The following CACNA1C variants were observed in gnomAD, a reference collection of about 807,000 sequenced individuals.
The protein encoded by CACNA1C is voltage-dependent L-type calcium channel subunit alpha-1C.
In CACNA1C, 30 loss-of-function variants were observed where a neutral mutation model predicts 229.0. The observed-to-expected ratio is 0.13, with a 90% CI of 0.10 to 0.18. The LOEUF is 0.18. CACNA1C is among the 10% of genes least tolerant of loss of function. The pLI, the probability that CACNA1C is intolerant of heterozygous loss-of-function variation, is 1.00. For synonymous variants in CACNA1C, 1,114 were observed against 1,132.5 expected, an observed-to-expected ratio of 0.98 and a Z score of 0.33; for missense variants, 1,658 against 2,845.0, an observed-to-expected ratio of 0.58 and a Z score of 9.49.
chr12:2,335,444 A>T (rs988121921), intron 3 of CACNA1C, among the ~76,000 whole-genome samples: 1 of 152,174 alleles, frequency 6.6e-6, no homozygotes, highest in African/African-American at 2.4e-5. Context: ...TAGTTAAAAA[A>T]AAAAAACCTT....
intron 29 of CACNA1C, among the ~76,000 whole-genome samples, chr12:2,624,675 T>A (rs1193688730): frequency 1.3e-5 from 2 of 152,188 alleles, no homozygotes; most frequent in Non-Finnish European, 2.9e-5. Flanking sequence ...ATACTCCATG[T>A]CCCTACAGAG....
intron 1 of CACNA1C, among the ~76,000 whole-genome samples, chr12:1,996,655 AC>A (rs368598566): frequency 0.052 from 1,289 of 24,724 alleles, 184 homozygotes; most frequent in African/African-American, 0.073. Flanking sequence ...AAAAAAAAAA[AC>A]AACAAACTCT....
chr12:2,079,271 AAATAT>A lies in CACNA1C; in HGVS notation c.49+25665_49+25669del, dbSNP rs796356962. Among the ~76,000 whole-genome samples the A allele has an allele frequency of 2.2e-4, 33 of 152,278 alleles. 1 individual carries two copies. In the South Asian group the frequency reaches 3.3e-3, roughly 15 times the overall value. ...TTGTGCACATGTACCCTAAAACTTA[AAATAT>A]AATAATAATTAAAAAAAAATAGTTA... On this transcript the variant is annotated intron_variant, in intron 1 of 46. Transcript: ENST00000399655.
At chr12:2,509,400 A>T (rs1415757224) in intron 8 of CACNA1C, among the ~76,000 whole-genome samples, 1 of 152,230 alleles carries the variant, frequency 6.6e-6, no homozygotes, top group African/African-American at 2.4e-5. Context: ...AACATGAAGT[A>T]GTGGACACTG....
intron 3 of CACNA1C, among the ~76,000 whole-genome samples, chr12:2,239,388 C>G (rs2068838737): frequency 6.6e-6 from 1 of 152,052 alleles, no homozygotes; most frequent in Admixed American, 6.5e-5. Context: ...TCGTAAGGCT[C>G]TTGGTGGGAG....
rs1296433259 is a variant in CACNA1C, at chr12:2,666,833, A to C, written c.4623+51A>C. 9.2e-7 allele frequency: 1 copy of C among 1,083,474 alleles called. No homozygotes were observed. Among genetic ancestry groups the C allele is most frequent in the African/African-American group, 1.6e-5 (1 of 64,372 alleles). The allele number at this position is 1,083,474 out of a possible 1,614,324, so 67.1% of individuals were successfully genotyped here. A position where few individuals can be genotyped will look rare whatever the true frequency, so the allele number is the denominator to read the frequency against. On this transcript the variant is annotated intron_variant, in intron 37 of 46. Coordinates refer to ENST00000399655, the MANE Select transcript of CACNA1C (RefSeq NM_000719.7). This position sits in a 1 kb window ranked among gnomAD's most constrained non-coding sequence, Gnocchi z 5.3. The stretch of plus-strand genomic sequence containing the variant: ...GGGAGAGGGAAAATAGGGGAAGTGA[A>C]GTGCCCATTTCTTGTGATCCTTTAA...
chr12:2,048,959 C>A (rs980489901), upstream of CACNA1C, among the ~76,000 whole-genome samples: 1 of 152,208 alleles, frequency 6.6e-6, no homozygotes, highest in East Asian at 1.9e-4. Flanking sequence ...ATACTGTCAA[C>A]ATTTTGGTGT....
At chr12:2,062,492 A>C (rs964200632) in intron 1 of CACNA1C, among the ~76,000 whole-genome samples, 4 of 152,152 alleles carry the variant, frequency 2.6e-5, no homozygotes, top group Non-Finnish European at 4.4e-5. Flanking sequence ...GAAACCCACT[A>C]TCTCTCTATC....
chr12:2,565,473 CAG>C (rs1216443546), intron 11 of CACNA1C, among the ~76,000 whole-genome samples: 16 of 33,524 alleles, frequency 4.8e-4, no homozygotes, highest in South Asian at 3.3e-3. Flanking sequence ...GACTCCGTCT[CAG>C]AAAAAAAAAA....
chr12:2,145,588 G>A (rs1183164133), intron 3 of CACNA1C, among the ~76,000 whole-genome samples: 2 of 151,216 alleles, frequency 1.3e-5, no homozygotes, highest in Non-Finnish European at 3.0e-5. Context: ...TTTATTACCA[G>A]TTATTGAGTG....
intron 1 of CACNA1C, among the ~76,000 whole-genome samples, chr12:2,071,643 C>T (rs935599297): frequency 6.6e-6 from 1 of 152,112 alleles, no homozygotes; most frequent in African/African-American, 2.4e-5. Context: ...AATGTTCTTT[C>T]ATATTCCATA....
intron 1 of CACNA1C, among the ~76,000 whole-genome samples, chr12:2,046,594 G>A (rs747093023): frequency 1.3e-5 from 2 of 152,010 alleles, no homozygotes; most frequent in Admixed American, 6.6e-5. Flanking sequence ...AAATAACCTC[G>A]CTGCGTTCTG....
upstream of CACNA1C, chr12:2,048,534 G>A (rs2051483710): frequency 6.6e-6 from 1 of 152,244 alleles, no homozygotes; most frequent in Admixed American, 6.5e-5. Flanking sequence ...CCAACACAGA[G>A]TGGCTGACAC....
intron 1 of CACNA1C, among the ~76,000 whole-genome samples, chr12:2,097,652 C>T (rs952163383): frequency 2.0e-5 from 3 of 152,170 alleles, no homozygotes; most frequent in Non-Finnish European, 2.9e-5. Flanking sequence ...TACAGTGAGC[C>T]GCCGGGGCTC....
rs2060001225 is a variant in CACNA1C at position 2,067,964 on chromosome 12, T to C, written c.49+14353T>C. The stretch of plus-strand genomic sequence containing the variant: ...GTTAAGCCCTGCGATTTTATATCCT[T>C]ATAATTATATCAGAATATCAAATTC... On this transcript the variant is annotated intron_variant, in intron 1 of 46. Coordinates refer to ENST00000399655, the MANE Select transcript of CACNA1C (RefSeq NM_000719.7). This position sits in a 1 kb window ranked among gnomAD's most constrained non-coding sequence, Gnocchi z 5.3. 6.6e-6 allele frequency among the ~76,000 whole-genome samples: 1 copy of C among 152,208 alleles called. No individual in the cohort carries two copies. Among genetic ancestry groups the C allele is most frequent in the South Asian group, 2.1e-4 (1 of 4,822 alleles).
chr12:2,294,388 A>G (rs933062271), intron 3 of CACNA1C, among the ~76,000 whole-genome samples: 63 of 151,956 alleles, frequency 4.1e-4, no homozygotes, highest in Admixed American at 2.0e-4. Flanking sequence ...GTGGAGCTGG[A>G]AACGTAGATT....
At chr12:2,339,805 G>A (rs534485041) in intron 3 of CACNA1C, among the ~76,000 whole-genome samples, 101 of 152,244 alleles carry the variant, frequency 6.6e-4, no homozygotes, top group African/African-American at 1.8e-3. Context: ...TATGCAGCAC[G>A]TGACTGTCGT....
rs748936517 is a variant in CACNA1C, at chr12:2,448,935, C to G, written c.478-41C>G. ...TTCCAAACTTTCCAAATCCCCAAAC[C>G]AATGACTTATTTTTCTCTCTTTTCT... On this transcript the variant is annotated intron_variant, in intron 3 of 46. Transcript: ENST00000399655. 4 of 1,559,648 alleles carry G rather than the reference C, an allele frequency of 2.6e-6. No individual in the cohort carries two copies. In the African/African-American group the frequency reaches 5.4e-5, roughly 21 times the overall value.
chr12:2,096,399 C>A (rs921218521), intron 1 of CACNA1C, among the ~76,000 whole-genome samples: 1 of 152,192 alleles, frequency 6.6e-6, no homozygotes, highest in African/African-American at 2.4e-5. Flanking sequence ...TATCTCTCCT[C>A]TGGACTGGCC....
Sources: gnomAD v4.1 joint callset for allele counts (sites outside exome capture counted in the v4.1 genomes callset) on GRCh38, gnomAD v4.1.1 for gene constraint, Gnocchi (gnomAD v3.1) non-coding constraint, MANE v1.5 for transcripts, NCBI Gene and HGNC (gene_info 2026-07-23, HGNC 2026-07-21) for gene names.